Variants in EWSR1 observed in about 807,000 individuals in gnomAD.
EWSR1 encodes the protein RNA-binding protein EWS.
Under a neutral mutation model 92.1 loss-of-function variants are expected in EWSR1, and 14 were observed. The ratio of observed to expected loss-of-function variants is 0.15; its 90% CI spans 0.10 to 0.24. The LOEUF is 0.24. Ranked by LOEUF, EWSR1 falls within the 10% of genes least tolerant of loss-of-function variation. The pLI is 1.00. For missense variants in EWSR1, 637 were observed against 870.9 expected, an observed-to-expected ratio of 0.73 and a Z score of 3.38; for synonymous variants, 303 against 292.9, an observed-to-expected ratio of 1.03 and a Z score of -0.35.
chr22:29,289,238 C>G, intron 8 of EWSR1: 1 of 234,192 alleles, frequency 4.3e-6, no homozygotes, highest in Non-Finnish European at 8.4e-6. Flanking sequence ...TGTTTGTACT[C>G]AGAATCGTTG....
rs578092874 is a variant in EWSR1, at chr22:29,288,293, G to A, written c.794-313G>A. On this transcript the variant is annotated intron_variant, in intron 7 of 16. Coordinates refer to ENST00000397938, the MANE Select transcript of EWSR1 (RefSeq NM_005243.4). ...TTCATTTCTTGAGTTTAGCTCAAAA[G>A]AAGCTGCTTTTGGAGACATCTTAGG... 5.9e-5 allele frequency among the ~76,000 whole-genome samples: 9 copies of A among 152,344 alleles called. No individual in the cohort carries two copies. The East Asian group carries it at 1.5e-3, about 26-fold the overall frequency.
chr22:29,274,505 C>G (rs2146870591), intron 4 of EWSR1: 1 of 524,400 alleles, frequency 1.9e-6, no homozygotes, highest in East Asian at 2.9e-5. Flanking sequence ...TACTTTGTTT[C>G]AAGCCTTAAT....
At position 29,299,312 on chromosome 22, in the gene EWSR1, G is replaced by A. The variant is rs144536392; in HGVS notation, c.1659G>A (p.Pro553=). ...CKAPKPEGFL[P]PPFPPPGGDR... is the part of the protein sequence containing the mutation. ...CCCCAAAGCCTGAAGGCTTCCTCCC[G>A]CCACCCTTTCCGCCCCCGGGTAGGT... The change falls in exon 15 of 17, where the codon CCG becomes CCA. Residue 553 remains proline (P), a synonymous_variant. Coordinates refer to ENST00000397938, the MANE Select transcript of EWSR1 (RefSeq NM_005243.4). 63 of 1,613,606 alleles carry A rather than the reference G, an allele frequency of 3.9e-5. No individual in the cohort carries two copies. In the South Asian group the frequency reaches 4.7e-4, roughly 12 times the overall value.
intron 5 of EWSR1, among the ~76,000 whole-genome samples, chr22:29,281,670 T>TC (rs2147155332): frequency 6.6e-6 from 1 of 152,220 alleles, no homozygotes; most frequent in African/African-American, 2.4e-5. Flanking sequence ...CAGCTCCGCC[T>TC]CCTGGGTTCA....
At position 29,292,124 on chromosome 22, in the gene EWSR1, T is replaced by C. The variant is rs765104729; in HGVS notation, c.1013-13T>C. The C allele has an allele frequency of 2.5e-6, 4 of 1,613,142 alleles. No homozygotes were observed. Among genetic ancestry groups the C allele is most frequent in the East Asian group, 2.2e-5 (1 of 44,884 alleles). On this transcript the variant is annotated splice_polypyrimidine_tract_variant and intron_variant, in intron 9 of 16. Transcript: ENST00000397938. Reference sequence around the variant, plus strand: ...CACTAATAATATTTTATATGATCTTTCCTGGTTGGCAGGACCCATGGATGA... The same window carrying C: ...CACTAATAATATTTTATATGATCTTCCCTGGTTGGCAGGACCCATGGATGA...
chr22:29,295,746 T>C (rs940301831), intron 11 of EWSR1: 7 of 225,982 alleles, frequency 3.1e-5, no homozygotes, highest in African/African-American at 1.1e-4. Flanking sequence ...ACATCTGATA[T>C]TCAGCTGAAA....
chr22:29,290,108 A>G, intron 8 of EWSR1: 1 of 279,776 alleles, frequency 3.6e-6, no homozygotes, highest in Non-Finnish European at 6.7e-6. Context: ...AGACTTTGCT[A>G]GTAGAGGGGG....
chr22:29,276,131 T>G (rs2059103921), intron 4 of EWSR1: 1 of 231,546 alleles, frequency 4.3e-6, no homozygotes, highest in South Asian at 1.8e-4. Flanking sequence ...TCACTTTTAG[T>G]TTTTTGTTTT....
chr22:29,282,058 T>A (rs1317106912), intron 5 of EWSR1, among the ~76,000 whole-genome samples: 1 of 152,172 alleles, frequency 6.6e-6, no homozygotes, highest in African/African-American at 2.4e-5. Flanking sequence ...ACAGATCACT[T>A]CTCCCGGATC....
intron 8 of EWSR1, chr22:29,291,359 G>T (rs1169440674): frequency 1.9e-6 from 1 of 529,656 alleles, no homozygotes; most frequent in East Asian, 3.0e-5. Flanking sequence ...CCACACTGGT[G>T]TGTACAATCA....
chr22:29,280,850 T>G (rs2147117252), intron 5 of EWSR1, among the ~76,000 whole-genome samples: 2 of 144,976 alleles, frequency 1.4e-5, no homozygotes, highest in Admixed American at 1.4e-4. Flanking sequence ...ATTTTGTGTG[T>G]GTGTGTGTGT....
At chr22:29,297,565 G>C (rs1269873752) in intron 12 of EWSR1, among the ~76,000 whole-genome samples, 2 of 152,124 alleles carry the variant, frequency 1.3e-5, no homozygotes, top group Non-Finnish European at 2.9e-5. Context: ...ATGGTGATGC[G>C]TGCCTGTAGT....
intron 6 of EWSR1, among the ~76,000 whole-genome samples, 163 bp downstream of exon 6, chr22:29,282,720 T>G (rs2059701563): frequency 6.6e-6 from 1 of 151,918 alleles, no homozygotes; most frequent in Non-Finnish European, 1.5e-5. Flanking sequence ...AGATCTAGGG[T>G]CCCATAGTGT....
intron 6 of EWSR1, among the ~76,000 whole-genome samples, chr22:29,285,518 A>G (rs1204605331): frequency 4.0e-5 from 6 of 151,592 alleles, no homozygotes; most frequent in Admixed American, 1.3e-4. Flanking sequence ...CTTTCATACA[A>G]TTCCTTCATT....
At position 29,292,539 on chromosome 22, in the gene EWSR1, A is replaced by G; in HGVS notation, c.1097A>G (p.Gln366Arg). 6.2e-7 allele frequency: 1 copy of G among 1,614,104 alleles called. No individual in the cohort carries two copies. Among genetic ancestry groups the G allele is most frequent in the Non-Finnish European group, 8.5e-7 (1 of 1,179,968 alleles). Residue 366 changes from glutamine to arginine, a missense_variant, in exon 11 of 17, where the codon CAA becomes CGA. Physicochemically the swap from Gln to Arg is conservative, Grantham distance 43. Around this residue, in one of 5 missense-constraint regions of EWSR1, gnomAD observed 363 missense variants for 447.8 expected, o/e 0.81. Transcript: ENST00000397938. Reference protein sequence around the residue: ...EDSDNSAIYVQGLNDSVTLDD... With the variant: ...EDSDNSAIYVRGLNDSVTLDD... ...TCTGACAACAGTGCAATTTATGTAC[A>G]AGGATTAAATGACAGTGTGACTCTA... is the stretch of plus-strand genomic sequence containing the variant.
At chr22:29,280,395 A>G (rs987662002) in intron 5 of EWSR1, among the ~76,000 whole-genome samples, 3 of 152,202 alleles carry the variant, frequency 2.0e-5, no homozygotes, top group Middle Eastern at 3.4e-3. Flanking sequence ...GACTTTGCTT[A>G]AAATATTAAT....
At chr22:29,295,429 A>G (rs2060779354) in intron 11 of EWSR1, 1 of 209,520 alleles carries the variant, frequency 4.8e-6, no homozygotes, top group African/African-American at 2.3e-5. Flanking sequence ...GGAGTTTGAG[A>G]CCAGCCTGGA....
At chr22:29,272,307 G>A in intron 2 of EWSR1, 55 bp downstream of exon 2, 1 of 1,610,482 alleles carries the variant, frequency 6.2e-7, no homozygotes, top group Non-Finnish European at 8.5e-7. Context: ...TTTTGAATAT[G>A]GAGCCTTCTA....
chr22:29,298,961 A>T, intron 14 of EWSR1, 66 bp downstream of exon 14: 1 of 1,470,738 alleles, frequency 6.8e-7, no homozygotes, highest in Admixed American at 2.3e-5. Context: ...CCCCATCCCC[A>T]CTCTAGAGTG....
Sources: allele counts gnomAD v4.1 joint callset (sites outside exome capture counted in the v4.1 genomes callset), GRCh38; gene constraint gnomAD v4.1.1; regional missense constraint gnomAD v4.1.1; transcripts MANE v1.5; gene names NCBI Gene and HGNC (gene_info 2026-07-23, HGNC 2026-07-21).